Variants in EML1 observed in about 807,000 individuals in gnomAD.
EML1 encodes the protein EMAP like 1.
A neutral mutation model predicts 110.4 loss-of-function variants in EML1; 27 were observed. The observed-to-expected ratio is 0.24, with a 90% CI of 0.18 to 0.34. The LOEUF is 0.34. Among genes scored for constraint, EML1 ranks in the 10% least tolerant of loss-of-function variants. The pLI is 1.00. For missense variants in EML1, 741 were observed against 1,030.9 expected (o/e 0.72, Z 3.85); for synonymous variants, 344 against 385.8 (o/e 0.89, Z 1.27).
At chr14:99,937,102 G>C (rs1453133137) in intron 19 of EML1, among the ~76,000 whole-genome samples, 1 of 152,168 alleles carries the variant, frequency 6.6e-6, no homozygotes, top group Non-Finnish European at 1.5e-5. Context: ...AAGAGCCCAC[G>C]GGGGTGGGCG....
chr14:99,793,333 T>G (rs572779917), upstream of EML1: 1 of 976,522 alleles, frequency 1.0e-6, no homozygotes, highest in South Asian at 4.6e-5. Context: ...GGGCCCGGGG[T>G]TGCCATGGTA....
At chr14:99,930,327 A>C (rs1045288877) in intron 17 of EML1, among the ~76,000 whole-genome samples, 6 of 152,328 alleles carry the variant, frequency 3.9e-5, no homozygotes, top group African/African-American at 1.4e-4. Flanking sequence ...CGTGGGTGGA[A>C]GAGGGAGGTT....
At chr14:99,923,651 G>A (rs1386917565) in intron 17 of EML1, among the ~76,000 whole-genome samples, 1 of 52,140 alleles carries the variant, frequency 1.9e-5, no homozygotes, top group Non-Finnish European at 3.0e-5. Flanking sequence ...CCCTTCACCT[G>A]TGTTTATCCC....
At chr14:99,770,779 A>ATTTTTT (rs34744469), upstream of EML1, among the ~76,000 whole-genome samples, 126 of 91,626 alleles carry the variant, frequency 1.4e-3, 14 homozygotes, top group African/African-American at 3.5e-3. Context: ...GTTTCCGCTG[A>ATTTTTT]TTTTTTTTTT....
intron 1 of EML1, among the ~76,000 whole-genome samples, chr14:99,810,423 G>A (rs1323308644): frequency 6.6e-6 from 1 of 152,206 alleles, no homozygotes; most frequent in East Asian, 1.9e-4. Context: ...TTGTTGCAGT[G>A]TTTCATTTCG....
intron 1 of EML1, among the ~76,000 whole-genome samples, chr14:99,846,961 A>G (rs2058716491): frequency 6.6e-6 from 1 of 152,210 alleles, no homozygotes; most frequent in African/African-American, 2.4e-5. Flanking sequence ...TCAGATAACC[A>G]GATTCTCCTT....
intron 3 of EML1, 98 bp downstream of exon 3, chr14:99,865,744 T>C: frequency 7.0e-7 from 1 of 1,433,206 alleles, no homozygotes; most frequent in East Asian, 2.5e-5. Flanking sequence ...TACAATTTCT[T>C]CTGTGAGTTA....
chr14:99,743,652 T>C (rs796215964), intron 1 of EML1, among the ~76,000 whole-genome samples: 5 of 152,284 alleles, frequency 3.3e-5, no homozygotes, highest in African/African-American at 1.2e-4. Context: ...TTCTCAGCCC[T>C]GCACTCACTC....
At chr14:99,739,866 C>T (rs1301294783) in intron 1 of EML1, among the ~76,000 whole-genome samples, 2 of 152,068 alleles carry the variant, frequency 1.3e-5, no homozygotes, top group Non-Finnish European at 2.9e-5. Context: ...GTAACCGATC[C>T]CCAAGCCGTG....
At chr14:99,896,359 C>CT (rs57881358) in intron 6 of EML1, among the ~76,000 whole-genome samples, 3,840 of 149,472 alleles carry the variant, frequency 0.026, 163 homozygotes, top group African/African-American at 0.09. Context: ...CCCCAAAATA[C>CT]TTTTTTTTTT....
At chr14:99,894,902 T>A in intron 6 of EML1, 144 bp downstream of exon 6, 3 of 1,118,524 alleles carry the variant, frequency 2.7e-6, no homozygotes, top group African/African-American at 1.6e-5. Flanking sequence ...AAACTTAATG[T>A]AACAAAATTG....
intron 15 of EML1, among the ~76,000 whole-genome samples, chr14:99,917,152 G>A (rs375383566): frequency 6.6e-6 from 1 of 152,190 alleles, no homozygotes; most frequent in Non-Finnish European, 1.5e-5. Flanking sequence ...CACTCAGCAC[G>A]GGGAGTCAAC....
At chr14:99,760,164 T>C (rs1157923283) in intron 1 of EML1, among the ~76,000 whole-genome samples, 1 of 145,362 alleles carries the variant, frequency 6.9e-6, no homozygotes, top group African/African-American at 2.5e-5. Flanking sequence ...CCCCCCAAAC[T>C]TACAAATGTG....
At chr14:99,874,241 A>T (rs568560152) in intron 3 of EML1, among the ~76,000 whole-genome samples, 1 of 152,244 alleles carries the variant, frequency 6.6e-6, no homozygotes, top group Non-Finnish European at 1.5e-5. Flanking sequence ...TGTTGAATGC[A>T]TATGCAATGT....
At chr14:99,875,501 A>G (rs1045553969) in intron 3 of EML1, among the ~76,000 whole-genome samples, 6 of 152,142 alleles carry the variant, frequency 3.9e-5, no homozygotes, top group Admixed American at 2.6e-4. Context: ...AAAATCAGTT[A>G]GTGTTTGCTG....
chr14:99,747,373 G>C (rs118007022), intron 1 of EML1, among the ~76,000 whole-genome samples: 2 of 151,964 alleles, frequency 1.3e-5, no homozygotes, highest in Admixed American at 6.6e-5. Flanking sequence ...GGCACAGATC[G>C]GCTCCAGATG....
At chr14:99,813,127 C>T (rs1647785333) in intron 1 of EML1, among the ~76,000 whole-genome samples, 1 of 152,090 alleles carries the variant, frequency 6.6e-6, no homozygotes, top group Non-Finnish European at 1.5e-5. Flanking sequence ...TTTTGCCAAG[C>T]AGAAGGATTA....
upstream of EML1, among the ~76,000 whole-genome samples, chr14:99,769,895 T>G (rs886843264): frequency 3.3e-5 from 5 of 152,214 alleles, no homozygotes; most frequent in African/African-American, 1.2e-4. Flanking sequence ...TCTGCTGAGC[T>G]TGGTCTGGCC....
chr14:99,773,728 G>A (rs949961300), exon 1 of EML1: 2 of 152,302 alleles, frequency 1.3e-5, no homozygotes, highest in African/African-American at 4.8e-5. Context: ...TGGATGGGAA[G>A]AGGAGCAGCC....
Sources: gnomAD v4.1 joint callset for allele counts (sites outside exome capture counted in the v4.1 genomes callset) on GRCh38, gnomAD v4.1.1 for gene constraint, MANE v1.5 for transcripts, NCBI Gene and HGNC (gene_info 2026-07-23, HGNC 2026-07-21) for gene names.